MARCHF1: variants seen among roughly 807,000 people sequenced by gnomAD.
MARCHF1 encodes the protein E3 ubiquitin-protein ligase MARCHF1.
Under a neutral mutation model 54.2 loss-of-function variants are expected in MARCHF1, and 40 were observed. The ratio of observed to expected loss-of-function variants is 0.74; its 90% confidence interval spans 0.57 to 0.96. MARCHF1 has a LOEUF of 0.96. Among genes scored for constraint, MARCHF1 ranks in the 40% least tolerant of loss-of-function variants. The pLI is 0.00. For missense variants in MARCHF1, 586 were observed against 656.5 expected, an observed-to-expected ratio of 0.89 and a Z score of 1.17; for synonymous variants, 236 against 236.3, an observed-to-expected ratio of 1.00 and a Z score of 0.01.
chr4:163,689,745 T>C (rs1304014791), intron 5 of MARCHF1, among the ~76,000 whole-genome samples: 1 of 152,096 alleles, frequency 6.6e-6, no homozygotes, highest in Non-Finnish European at 1.5e-5. Context: ...TGTCCTATCA[T>C]GTGTGGGATG....
chr4:163,825,585 C>G (rs1748827335), intron 4 of MARCHF1, among the ~76,000 whole-genome samples: 1 of 151,994 alleles, frequency 6.6e-6, no homozygotes, highest in Non-Finnish European at 1.5e-5. Flanking sequence ...TCCCTTTATT[C>G]CACAATCTTG....
intron 3 of MARCHF1, among the ~76,000 whole-genome samples, chr4:163,865,925 C>A (rs1750037387): frequency 6.6e-6 from 1 of 151,486 alleles, no homozygotes. Context: ...TGTCTCTGCC[C>A]TTATTAAGGT....
chr4:163,633,741 G>A (rs1742198802), intron 5 of MARCHF1, among the ~76,000 whole-genome samples: 1 of 152,128 alleles, frequency 6.6e-6, no homozygotes, highest in Non-Finnish European at 1.5e-5. Flanking sequence ...AGGAAATACA[G>A]AGAATGCCAC....
intron 1 of MARCHF1, among the ~76,000 whole-genome samples, chr4:164,112,113 A>G (rs541375183): frequency 4.6e-5 from 7 of 151,936 alleles, no homozygotes; most frequent in Non-Finnish European, 7.4e-5. Flanking sequence ...ATTTGCCTCA[A>G]AGTTTTGAAC....
intron 5 of MARCHF1, among the ~76,000 whole-genome samples, chr4:163,646,317 G>A (rs191550448): frequency 6.6e-6 from 1 of 152,122 alleles, no homozygotes; most frequent in East Asian, 1.9e-4. Flanking sequence ...TGAAGGAGAG[G>A]TAAAGACTTT....
At chr4:163,549,680 AT>A (rs34896630) in intron 8 of MARCHF1, among the ~76,000 whole-genome samples, 21,929 of 144,448 alleles carry the variant, frequency 0.15, 1,899 homozygotes, top group Admixed American at 0.25. Context: ...CTTGCTTTTG[AT>A]TTTTTTTTTT....
At chr4:163,917,906 A>G (rs1354798738) in intron 3 of MARCHF1, among the ~76,000 whole-genome samples, 1 of 152,112 alleles carries the variant, frequency 6.6e-6, no homozygotes, top group Non-Finnish European at 1.5e-5. Context: ...CTTTGGTTTA[A>G]TTAGATCAAT....
chr4:164,243,537 A>C (rs868772054), intron 1 of MARCHF1, among the ~76,000 whole-genome samples: 62 of 152,292 alleles, frequency 4.1e-4, no homozygotes, highest in South Asian at 2.9e-3. Context: ...GACTAGGAAG[A>C]AACTGCATCA....
intron 3 of MARCHF1, among the ~76,000 whole-genome samples, chr4:163,943,022 C>T (rs757109342): frequency 6.6e-6 from 1 of 150,518 alleles, no homozygotes; most frequent in African/African-American, 2.4e-5. Context: ...CTATTCATAT[C>T]TTTGCCCACT....
chr4:163,714,814 C>T (rs938748889), intron 4 of MARCHF1, among the ~76,000 whole-genome samples: 2 of 152,068 alleles, frequency 1.3e-5, no homozygotes, highest in Non-Finnish European at 2.9e-5. Context: ...GGACTACAGG[C>T]ACATGTCACT....
chr4:163,529,195 A>ATT, intron 9 of MARCHF1, 149 bp from the exon 10 acceptor site: 1 of 643,062 alleles, frequency 1.6e-6, no homozygotes, highest in Admixed American at 3.0e-5. Context: ...ACTAGAAAGA[A>ATT]TTATAACCCG....
At chr4:163,837,783 C>T (rs1402595175) in intron 4 of MARCHF1, among the ~76,000 whole-genome samples, 5 of 151,828 alleles carry the variant, frequency 3.3e-5, no homozygotes, top group Non-Finnish European at 7.4e-5. Flanking sequence ...CACATGATAT[C>T]AAAAACATGA....
chr4:164,102,774 T>C (rs1355489436), intron 2 of MARCHF1, among the ~76,000 whole-genome samples: 1 of 150,006 alleles, frequency 6.7e-6, no homozygotes, highest in Non-Finnish European at 1.5e-5. Context: ...ATATTAACTT[T>C]AAATGTCAAT....
At chr4:163,740,318 A>G (rs1746159564) in intron 4 of MARCHF1, among the ~76,000 whole-genome samples, 2 of 152,232 alleles carry the variant, frequency 1.3e-5, no homozygotes, top group South Asian at 4.1e-4. Flanking sequence ...TCTGTTGTCA[A>G]GAACTGTGAA....
rs149517261 is a variant in MARCHF1, at chr4:163,630,749, A to G, written c.163-17356T>C. 7.9e-3 allele frequency among the ~76,000 whole-genome samples: 1,196 copies of G among 152,240 alleles called. 19 individuals carry two copies. The highest frequency in any genetic ancestry group is 0.027 in the African/African-American group (1,133 of 41,542). ...GTCTGTTGTAGAGTATGATAAAGGA[A>G]ATGTTAAAAATTAGAAGAACAAAAG... On this transcript the variant is annotated intron_variant, in intron 5 of 9. Coordinates refer to ENST00000514618, the MANE Select transcript of MARCHF1 (RefSeq NM_001394959.1).
intron 8 of MARCHF1, among the ~76,000 whole-genome samples, chr4:163,545,947 ATGTGTGTGTGTGTGTG>A (rs70948653): frequency 5.4e-5 from 8 of 148,934 alleles, no homozygotes; most frequent in Non-Finnish European, 1.0e-4. Context: ...TTAAATACAT[ATGTGTGTGTGTGTGTG>A]TGTGTGTGTG....
intron 8 of MARCHF1, among the ~76,000 whole-genome samples, chr4:163,548,030 CTT>C (rs1381604113): frequency 6.6e-6 from 1 of 152,096 alleles, no homozygotes; most frequent in African/African-American, 2.4e-5. Context: ...ATTAATCAGT[CTT>C]GAACTGAGAA....
At chr4:163,923,586 ACTCCAGTGAGC>A (rs1182589423) in intron 3 of MARCHF1, among the ~76,000 whole-genome samples, 2 of 151,974 alleles carry the variant, frequency 1.3e-5, no homozygotes, top group African/African-American at 4.8e-5. Context: ...ATGCTATCTC[ACTCCAGTGAGC>A]CTAAGATCAA....
Position 164,038,986 on chromosome 4 carries a change from T to A in MARCHF1, c.-247-50277A>T, listed in dbSNP as rs80181581. Among the ~76,000 whole-genome samples the A allele has an allele frequency of 3.6e-3, 553 of 152,300 alleles. 4 individuals carry two copies. Among genetic ancestry groups the A allele is most frequent in the South Asian group, 0.016 (79 of 4,834 alleles). ...ATGTGATTACAGGAGATCATAAAGC[T>A]GAATAAGATAAACACTTAAAGAAAA... On this transcript the variant is annotated intron_variant, in intron 2 of 9. Transcript: ENST00000514618.
Sources: gnomAD v4.1 joint callset for allele counts (sites outside exome capture counted in the v4.1 genomes callset) on GRCh38, gnomAD v4.1.1 for gene constraint, MANE v1.5 for transcripts, NCBI Gene and HGNC (gene_info 2026-07-23, HGNC 2026-07-21) for gene names.